The following SBNO2 variants were observed in gnomAD, a reference collection of about 807,000 sequenced individuals.
SBNO2 encodes the protein strawberry notch homolog 2.
In SBNO2, 89 loss-of-function variants were observed where a neutral mutation model predicts 146.3. The observed-to-expected ratio is 0.61, with a 90% CI of 0.51 to 0.73. SBNO2 has a LOEUF of 0.73. SBNO2 is among the 30% of genes least tolerant of loss of function. The pLI is 0.00. For synonymous variants in SBNO2, 1,147 were observed against 892.6 expected, an observed-to-expected ratio of 1.29 and a Z score of -5.08; for missense variants, 2,092 against 2,003.7, an observed-to-expected ratio of 1.04 and a Z score of -0.84.
At chr19:1,119,451 T>C (rs1398471281) in intron 13 of SBNO2, 65 bp downstream of exon 13, 2 of 1,288,710 alleles carry the variant, frequency 1.6e-6, no homozygotes, top group Middle Eastern at 1.9e-4. Context: ...GGCCTTGGGC[T>C]GATGGGCCTG....
rs899041225 is a variant in SBNO2, at chr19:1,145,205, G to A, written c.279+2104C>T. Among the ~76,000 whole-genome samples, 11 of 151,594 alleles carry A rather than the reference G, an allele frequency of 7.3e-5. No individual in the cohort carries two copies. The South Asian group carries it at 1.2e-3, about 17-fold the overall frequency. ...AGACAGGCCGGGCACGGTGGCTCAC[G>A]CCTGTAATCCCAGCACTTTGGGAGG... On this transcript the variant is annotated intron_variant, in intron 4 of 31. Coordinates refer to ENST00000361757, the MANE Select transcript of SBNO2 (RefSeq NM_014963.3).
Position 1,119,135 on chromosome 19 carries a change from A to G in SBNO2, c.1403T>C (p.Met468Thr). The change falls in exon 14 of 32, where the codon ATG (methionine) becomes ACG (threonine). Residue 468 changes from methionine (M) to threonine (T), a missense_variant. Coordinates refer to ENST00000361757, the MANE Select transcript of SBNO2 (RefSeq NM_014963.3). Reference sequence around the variant, plus strand: ...GTACATGCCGCTGACCTTCATGTCCATGGCCACGATCTCCATGGCGCCAAC... The same window carrying G: ...GTACATGCCGCTGACCTTCATGTCCGTGGCCACGATCTCCATGGCGCCAAC... The part of the protein sequence containing the change: ...RGVGAMEIVA[M>T]DMKVSGMYIA... 1.2e-6 allele frequency: 2 copies of G among 1,603,518 alleles called. No homozygotes were observed. Among genetic ancestry groups the G allele is most frequent in the Non-Finnish European group, 1.7e-6 (2 of 1,176,584 alleles).
At chr19:1,125,001 C>A (rs2079949110) in intron 5 of SBNO2, among the ~76,000 whole-genome samples, 1 of 151,872 alleles carries the variant, frequency 6.6e-6, no homozygotes, top group Admixed American at 6.6e-5. Context: ...CTGTGTGATT[C>A]TGGAATATAT....
chr19:1,113,962 G>T (rs1032631200), intron 18 of SBNO2, among the ~76,000 whole-genome samples: 1 of 152,226 alleles, frequency 6.6e-6, no homozygotes, highest in African/African-American at 2.4e-5. Context: ...GGTAGGGACT[G>T]CCCAGCCCCA....
At chr19:1,156,477 G>C (rs2080290507) in intron 1 of SBNO2, among the ~76,000 whole-genome samples, 2 of 152,064 alleles carry the variant, frequency 1.3e-5, no homozygotes, top group African/African-American at 4.8e-5. Context: ...TGGCAGTCTG[G>C]GATTCCTCAA....
intron 1 of SBNO2, among the ~76,000 whole-genome samples, chr19:1,171,634 G>C (rs1046125970): frequency 6.6e-6 from 1 of 152,142 alleles, no homozygotes; most frequent in Non-Finnish European, 1.5e-5. Context: ...TCACTCTGGC[G>C]GTGTTGGCGT....
chr19:1,153,261 A>G (rs942863574), intron 2 of SBNO2, among the ~76,000 whole-genome samples: 1 of 150,756 alleles, frequency 6.6e-6, no homozygotes, highest in African/African-American at 2.4e-5. Context: ...TTTTTGAGCC[A>G]CAGTTTCGCT....
At chr19:1,172,076 G>A (rs375608872) in intron 1 of SBNO2, among the ~76,000 whole-genome samples, 4 of 152,282 alleles carry the variant, frequency 2.6e-5, no homozygotes, top group African/African-American at 9.6e-5. Flanking sequence ...CTCCACACCA[G>A]GGCCCTCCTG....
At chr19:1,130,072 C>T (rs113489167) in intron 4 of SBNO2, among the ~76,000 whole-genome samples, 10 of 152,304 alleles carry the variant, frequency 6.6e-5, no homozygotes, top group African/African-American at 1.4e-4. Flanking sequence ...ATCTGAAACA[C>T]GGGCCTCTGA....
chr19:1,154,376 T>C lies in SBNO2; in HGVS notation c.-100A>G. The C allele has an allele frequency of 2.0e-6, 1 of 503,502 alleles. No individual in the cohort carries two copies. The highest frequency in any genetic ancestry group is 3.1e-6 in the Non-Finnish European group (1 of 323,512). 31.2% of individuals were successfully genotyped at this position (503,502 alleles called of 1,614,324 possible). A position where few individuals can be genotyped will look rare whatever the true frequency, so the allele number is the denominator to read the frequency against. ...TCTATCTGGGCTTCTCGCTCCGTGG[T>C]GGCGGCGGTGGCGGCAGCATCATGA... On this transcript the variant is annotated 5_prime_UTR_variant, in exon 2 of 32. Transcript: ENST00000361757.
chr19:1,149,535 C>CT, intron 2 of SBNO2, 93 bp from the exon 3 acceptor site: 1 of 1,186,934 alleles, frequency 8.4e-7, no homozygotes. Flanking sequence ...GGCCGAGAGG[C>CT]TAGGGAGGCC....
In SBNO2 at chr19:1,144,779, A is replaced by T. The variant is rs369891457; in HGVS notation, c.279+2530T>A. Among the ~76,000 whole-genome samples the T allele has an allele frequency of 1.4e-5, 2 of 139,036 alleles. No individual in the cohort carries two copies. The highest frequency in any genetic ancestry group is 1.4e-4 in the Admixed American group (2 of 14,230). 91.2% of individuals were successfully genotyped at this position (139,036 alleles called of 152,430 possible). A position where few individuals can be genotyped will look rare whatever the true frequency, so the allele number is the denominator to read the frequency against. On this transcript the variant is annotated intron_variant, in intron 4 of 31. Transcript: ENST00000361757. The surrounding 1 kb of genome is among the most constrained non-coding windows in gnomAD (Gnocchi z 4.1). ...AGACAGAGAGACAGAGGCAGAGACA[A>T]AGAGACAGAGACAGAGAGGGAGACA...
chr19:1,115,981 AGGGGCAGGGGTGGGTGGGGCCATGG>A lies in SBNO2; in HGVS notation c.1885+15_1885+39del, dbSNP rs1189244440. On this transcript the variant is annotated intron_variant, in intron 17 of 31. Coordinates refer to ENST00000361757, the MANE Select transcript of SBNO2 (RefSeq NM_014963.3). ...GCCAGCCCCCGGGGGGAGAAAGCAG[AGGGGCAGGGGTGGGTGGGGCCATGG>A]GGGGCAGGGCTTACGTTTCCGCTTG... The A allele has an allele frequency of 2.3e-6, 2 of 877,152 alleles. No homozygotes were observed. The highest frequency in any genetic ancestry group is 9.5e-5 in the Admixed American group (1 of 10,566). The allele number at this position is 877,152 out of a possible 1,614,324, so 54.3% of individuals were successfully genotyped here.
In SBNO2 at chr19:1,126,798, C is replaced by G. The variant is rs1203548641; in HGVS notation, c.441+806G>C. Among the ~76,000 whole-genome samples, 1 of 152,240 alleles carries G rather than the reference C, an allele frequency of 6.6e-6. No individual in the cohort carries two copies. Among genetic ancestry groups the G allele is most frequent in the African/African-American group, 2.4e-5 (1 of 41,462 alleles). On this transcript the variant is annotated intron_variant, in intron 5 of 31. Transcript: ENST00000361757. The surrounding 1 kb of genome is among the most constrained non-coding windows in gnomAD (Gnocchi z 4.4). ...GTCTGCTCCCAAAGTCTAGAAGCTT[C>G]TCTCGTGGACAGGCCCGGATTGGGG... is the stretch of plus-strand genomic sequence containing the variant.
chr19:1,119,172 T>C lies in SBNO2; in HGVS notation c.1374-8A>G, dbSNP rs1411866295. The C allele has an allele frequency of 3.1e-6, 5 of 1,591,302 alleles. No homozygotes were observed. Among genetic ancestry groups the C allele is most frequent in the Middle Eastern group, 1.7e-4 (1 of 6,046 alleles). ...TCCATGGCGCCAACGCCCCTGCGGA[T>C]GGACACAGCCCCCGTGAGCACGGCC... On this transcript the variant is annotated splice_region_variant and splice_polypyrimidine_tract_variant and intron_variant, in intron 13 of 31. Coordinates refer to ENST00000361757, the MANE Select transcript of SBNO2 (RefSeq NM_014963.3).
At chr19:1,133,717 A>G (rs1468194158) in intron 4 of SBNO2, among the ~76,000 whole-genome samples, 1 of 151,776 alleles carries the variant, frequency 6.6e-6, no homozygotes, top group African/African-American at 2.4e-5. Flanking sequence ...AATCACAGCC[A>G]CCGCTCAACC....
intron 1 of SBNO2, among the ~76,000 whole-genome samples, chr19:1,172,921 G>A (rs2080494735): frequency 6.6e-6 from 1 of 151,832 alleles, no homozygotes; most frequent in African/African-American, 2.4e-5. Flanking sequence ...AGGACGTTCT[G>A]AGCAGGCGGG....
Position 1,136,122 on chromosome 19 carries a change from G to A in SBNO2, c.280-8357C>T, listed in dbSNP as rs1476982742. On this transcript the variant is annotated intron_variant, in intron 4 of 31. Transcript: ENST00000361757. The surrounding 1 kb of genome is among the most constrained non-coding windows in gnomAD (Gnocchi z 4.2). ...GGAGGCCACGGGACACAGAAGCAGA[G>A]ATCCCAGCCCTGCGGCCACAGCCAG... Among the ~76,000 whole-genome samples, 1 of 152,186 alleles carries A rather than the reference G, an allele frequency of 6.6e-6. No individual in the cohort carries two copies. Among genetic ancestry groups the A allele is most frequent in the Non-Finnish European group, 1.5e-5 (1 of 68,024 alleles).
At chr19:1,122,598 TCGCCCCCCGCTTC>T in intron 9 of SBNO2, 40 bp from the exon 10 acceptor site, 2 of 300,186 alleles carry the variant, frequency 6.7e-6, no homozygotes, top group Non-Finnish European at 9.1e-6. Context: ...CCCTTCCCCC[TCGCCCCCCGCTTC>T]CGCCCCCCAC....
Sources: allele counts gnomAD v4.1 joint callset (sites outside exome capture counted in the v4.1 genomes callset), GRCh38; gene constraint gnomAD v4.1.1; non-coding constraint Gnocchi (gnomAD v3.1); transcripts MANE v1.5; gene names NCBI Gene and HGNC (gene_info 2026-07-23, HGNC 2026-07-21).